Variants in DNAH11 observed in about 807,000 individuals in gnomAD.
DNAH11 encodes axonemal beta dynein heavy chain 11.
DNAH11 carries 442 observed loss-of-function variants against 526.0 expected under a neutral mutation model. That is an observed-to-expected ratio of 0.84 (90% CI 0.78 to 0.91). DNAH11 has a LOEUF of 0.91. Among genes scored for constraint, DNAH11 ranks in the 40% least tolerant of loss-of-function variants. The pLI, the probability that DNAH11 is intolerant of heterozygous loss-of-function variation, is 0.00. For synonymous variants in DNAH11, 2,461 were observed against 1,935.9 expected (o/e 1.27, Z -7.12); for missense variants, 6,989 against 5,448.7 (o/e 1.28, Z -8.90).
At chr7:21,889,929 T>G (rs1784271256) in intron 76 of DNAH11, among the ~76,000 whole-genome samples, 1 of 152,190 alleles carries the variant, frequency 6.6e-6, no homozygotes, top group Non-Finnish European at 1.5e-5. Flanking sequence ...CTTGATGGTT[T>G]TCTTAAAGTA....
chr7:21,652,621 T>C (rs1377930007), intron 28 of DNAH11, among the ~76,000 whole-genome samples: 2 of 152,230 alleles, frequency 1.3e-5, no homozygotes, highest in Non-Finnish European at 2.9e-5. Context: ...TAAAGGTCAT[T>C]GTCCCATCGT....
At chr7:21,720,302 T>C (rs534641841) in intron 43 of DNAH11, among the ~76,000 whole-genome samples, 4 of 152,290 alleles carry the variant, frequency 2.6e-5, no homozygotes, top group Admixed American at 6.5e-5. Flanking sequence ...CTGCATCCAT[T>C]CCAGTGGTGG....
At chr7:21,733,890 A>AGCTATATG (rs2128488472) in intron 45 of DNAH11, among the ~76,000 whole-genome samples, 1 of 152,286 alleles carries the variant, frequency 6.6e-6, no homozygotes, top group East Asian at 1.9e-4. Flanking sequence ...ATATATCCAC[A>AGCTATATG]GCTATATGGG....
rs915789278 is a variant in DNAH11, at chr7:21,873,401, T to C, written c.12095T>C (p.Ile4032Thr). The change falls in exon 74 of 82, where the codon ATC becomes ACC. Residue 4032 changes from isoleucine to threonine, a missense_variant. Coordinates refer to ENST00000409508, the MANE Select transcript of DNAH11 (RefSeq NM_001277115.2). ...AESAPTPDEH[I>T]IPQGLLENSI... ...TCTGCACCTACACCAGATGAGCATA[T>C]CATCCCTCAAGGACTCCTGGAAAAT... 1.9e-6 allele frequency: 3 copies of C among 1,613,952 alleles called. No individual in the cohort carries two copies. Among genetic ancestry groups the C allele is most frequent in the Non-Finnish European group, 2.5e-6 (3 of 1,179,868 alleles).
chr7:21,698,074 G>T lies in DNAH11; in HGVS notation c.6042-1G>T, dbSNP rs1364430470. On this transcript the variant is annotated splice_acceptor_variant, in intron 35 of 81. Transcript: ENST00000409508. LOFTEE classifies it high-confidence loss of function. The stretch of plus-strand genomic sequence containing the variant: ...AACTAAAATTCTTATTTACTTTTTA[G>T]ACCCTGTGCCATGGTGGCCCCTGAC... 2 of 1,607,020 alleles carry T rather than the reference G, an allele frequency of 1.2e-6. No individual in the cohort carries two copies. Among genetic ancestry groups the T allele is most frequent in the Non-Finnish European group, 8.5e-7 (1 of 1,177,642 alleles).
At chr7:21,858,292 C>T (rs1782930939) in intron 68 of DNAH11, among the ~76,000 whole-genome samples, 1 of 152,144 alleles carries the variant, frequency 6.6e-6, no homozygotes, top group Admixed American at 6.5e-5. Context: ...TGCAATAAAC[C>T]ATTTTGGAAA....
At chr7:21,875,561 G>A (rs1783672556) in intron 74 of DNAH11, among the ~76,000 whole-genome samples, 1 of 152,158 alleles carries the variant, frequency 6.6e-6, no homozygotes, top group Non-Finnish European at 1.5e-5. Flanking sequence ...ACTTTAGGAG[G>A]CTGAGAGGAG....
chr7:21,654,268 A>C (rs978190456), intron 28 of DNAH11, among the ~76,000 whole-genome samples: 3 of 152,192 alleles, frequency 2.0e-5, no homozygotes, highest in Non-Finnish European at 4.4e-5. Context: ...AGCAGCCGCC[A>C]ATCTGCTGTC....
chr7:21,873,442 A>G lies in DNAH11; in HGVS notation c.12136A>G (p.Asn4046Asp). ...GLLENSIKITNEPPTGMLANL... is the reference protein window; with the variant it reads ...GLLENSIKITDEPPTGMLANL... The stretch of plus-strand genomic sequence containing the variant: ...CCTGGAAAATTCCATTAAGATCACT[A>G]ATGAACCCCCAACAGGGATGCTGGC... The change falls in exon 74 of 82, where the codon AAT (asparagine) becomes GAT (aspartate). Residue 4046 changes from asparagine (N) to aspartate (D), a missense_variant. By Grantham distance (23) the Asn-to-Asp change is conservative. Coordinates refer to ENST00000409508, the MANE Select transcript of DNAH11 (RefSeq NM_001277115.2). 1 of 1,613,960 alleles carries G rather than the reference A, an allele frequency of 6.2e-7. No homozygotes were observed. The highest frequency in any genetic ancestry group is 8.5e-7 in the Non-Finnish European group (1 of 1,179,872).
At position 21,639,708 on chromosome 7, in the gene DNAH11, T is replaced by G. The variant is rs551545236; in HGVS notation, c.4944+643T>G. On this transcript the variant is annotated intron_variant, in intron 28 of 81. Transcript: ENST00000409508. The stretch of plus-strand genomic sequence containing the variant: ...CCAAAGCACTCCTTCCTATAAACTT[T>G]AAGAGAATGTTGCCTTTCATTTAGA... Among the ~76,000 whole-genome samples the G allele has an allele frequency of 4.6e-5, 7 of 152,324 alleles. No homozygotes were observed. The South Asian group carries it at 1.5e-3, about 32-fold the overall frequency.
Position 21,543,485 on chromosome 7 carries a change from T to G in DNAH11, c.240T>G (p.Tyr80Ter). 1 of 1,601,758 alleles carries G rather than the reference T, an allele frequency of 6.2e-7. No homozygotes were observed. Among genetic ancestry groups the G allele is most frequent in the Non-Finnish European group, 8.5e-7 (1 of 1,173,972 alleles). ...LGFTEEKWSQ[Y>*]LESEDNRQVL... ...TCACGGAGGAGAAATGGAGCCAGTA[T>G]TTGGAAAGCGAGGACAACCGGCAGG... The change falls in exon 1 of 82, where the codon TAT (tyrosine) becomes TAG (stop). Residue 80 changes from tyrosine to a stop codon, truncating the protein, a stop_gained. Coordinates refer to ENST00000409508, the MANE Select transcript of DNAH11 (RefSeq NM_001277115.2). LOFTEE classifies it high-confidence loss of function.
At position 21,687,284 on chromosome 7, in the gene DNAH11, A is replaced by T. The variant is rs758915626; in HGVS notation, c.5778+29A>T. 5 of 1,556,336 alleles carry T rather than the reference A, an allele frequency of 3.2e-6. No individual in the cohort carries two copies. The African/African-American group carries it at 5.5e-5, about 17-fold the overall frequency. ...AGTTAGTAAGAGAATAATGTGTAAA[A>T]CTTTATTCTCTAACATTATTCCTGA... On this transcript the variant is annotated intron_variant, in intron 33 of 81. Transcript: ENST00000409508.
intron 30 of DNAH11, among the ~76,000 whole-genome samples, chr7:21,672,927 A>T (rs973555082): frequency 5.3e-5 from 8 of 152,150 alleles, no homozygotes; most frequent in African/African-American, 1.9e-4. Context: ...TGGTGAACCC[A>T]CTGTCATCCT....
chr7:21,798,199 A>T (rs1583706666), intron 61 of DNAH11, among the ~76,000 whole-genome samples: 1 of 152,130 alleles, frequency 6.6e-6, no homozygotes, highest in Non-Finnish European at 1.5e-5. Flanking sequence ...AGGTTCAAGC[A>T]ATTCTTGTGC....
At chr7:21,803,448 C>T (rs765645422) in intron 62 of DNAH11, among the ~76,000 whole-genome samples, 1 of 152,142 alleles carries the variant, frequency 6.6e-6, no homozygotes, top group Non-Finnish European at 1.5e-5. Context: ...TTCAAAGAGA[C>T]AGTAGAGAAA....
intron 36 of DNAH11, among the ~76,000 whole-genome samples, chr7:21,701,160 T>G (rs1784041334): frequency 6.6e-6 from 1 of 152,140 alleles, no homozygotes; most frequent in South Asian, 2.1e-4. Flanking sequence ...TCTTCAAGCC[T>G]CAGCCTACTC....
chr7:21,799,155 T>C (rs997866396), intron 61 of DNAH11, among the ~76,000 whole-genome samples: 10 of 152,148 alleles, frequency 6.6e-5, no homozygotes, highest in Non-Finnish European at 1.3e-4. Flanking sequence ...TTTAAGATAA[T>C]GAAGCTGAAG....
chr7:21,568,507 G>T (rs1174986898), intron 6 of DNAH11, among the ~76,000 whole-genome samples: 1 of 152,154 alleles, frequency 6.6e-6, no homozygotes, highest in Non-Finnish European at 1.5e-5. Context: ...CCTGCGTCGG[G>T]TCATGCTTTT....
intron 65 of DNAH11, among the ~76,000 whole-genome samples, chr7:21,819,946 A>G (rs1789984283): frequency 6.6e-6 from 1 of 152,210 alleles, no homozygotes. Flanking sequence ...AAGGCCAAGA[A>G]GATTAAAGAT....
Sources: gnomAD v4.1 joint callset for allele counts (sites outside exome capture counted in the v4.1 genomes callset) on GRCh38, gnomAD v4.1.1 for gene constraint, MANE v1.5 for transcripts, NCBI Gene and HGNC (gene_info 2026-07-23, HGNC 2026-07-21) for gene names.